The following ARNT2 variants were observed in gnomAD, a reference collection of about 807,000 sequenced individuals.
ARNT2 encodes aryl hydrocarbon receptor nuclear translocator 2, also known as ARNT protein 2.
In ARNT2, 36 loss-of-function variants were observed where a neutral mutation model predicts 91.7. That is an observed-to-expected ratio of 0.39 (90% CI 0.30 to 0.52). ARNT2 has a LOEUF of 0.52. ARNT2 is among the 20% of genes least tolerant of loss of function. The probability of loss-of-function intolerance (pLI) is 0.72; values close to 1 mark genes in which losing one functional copy is unlikely to be tolerated. For missense variants in ARNT2, 775 were observed against 939.3 expected (o/e 0.83, Z 2.29); for synonymous variants, 365 against 347.1 (o/e 1.05, Z -0.57).
At chr15:80,443,051 A>C in intron 1 of ARNT2, 14 of 980,630 alleles carry the variant, frequency 1.4e-5, no homozygotes, top group Non-Finnish European at 1.7e-5. Context: ...ATCACCAGGG[A>C]CCAGACCTGG....
chr15:80,482,548 A>G (rs1217006951), intron 5 of ARNT2, among the ~76,000 whole-genome samples: 1 of 152,210 alleles, frequency 6.6e-6, no homozygotes, highest in Non-Finnish European at 1.5e-5. Flanking sequence ...GTCAATGCCA[A>G]AGAAGCTTAT....
At chr15:80,547,607 G>T (rs1416424517) in intron 8 of ARNT2, among the ~76,000 whole-genome samples, 4 of 152,148 alleles carry the variant, frequency 2.6e-5, no homozygotes, top group African/African-American at 9.7e-5. Flanking sequence ...GTATTTAGCA[G>T]ATATTTTCTC....
chr15:80,588,744 C>T (rs1208550927), intron 17 of ARNT2, among the ~76,000 whole-genome samples: 2 of 152,130 alleles, frequency 1.3e-5, no homozygotes, highest in African/African-American at 4.8e-5. Flanking sequence ...TACTAATTCC[C>T]CTTCTGGTGT....
At chr15:80,540,979 A>G (rs1897896094) in intron 8 of ARNT2, among the ~76,000 whole-genome samples, 2 of 152,102 alleles carry the variant, frequency 1.3e-5, no homozygotes, top group African/African-American at 4.8e-5. Flanking sequence ...TGGTAGAACA[A>G]TTTACATTTT....
At chr15:80,411,578 G>C (rs751188228) in intron 1 of ARNT2, among the ~76,000 whole-genome samples, 1 of 152,192 alleles carries the variant, frequency 6.6e-6, no homozygotes, top group Non-Finnish European at 1.5e-5. Context: ...ATGCAAACTA[G>C]TTCCTCTAGA....
chr15:80,562,820 G>T (rs1898391073), intron 11 of ARNT2: 3 of 486,604 alleles, frequency 6.2e-6, no homozygotes, highest in Non-Finnish European at 1.1e-5. Context: ...TAAATTAAAA[G>T]TTCTGCTATA....
At chr15:80,479,634 T>C (rs1896856548) in intron 5 of ARNT2, among the ~76,000 whole-genome samples, 1 of 152,148 alleles carries the variant, frequency 6.6e-6, no homozygotes, top group Non-Finnish European at 1.5e-5. Flanking sequence ...ACTCTTTTGT[T>C]CAAGGCCTCA....
At chr15:80,501,317 C>T (rs550574123) in intron 5 of ARNT2, among the ~76,000 whole-genome samples, 5 of 152,136 alleles carry the variant, frequency 3.3e-5, no homozygotes, top group African/African-American at 1.2e-4. Context: ...TGAGTTTATG[C>T]TAAGTGACAT....
chr15:80,464,324 G>C (rs1000710703), intron 3 of ARNT2, among the ~76,000 whole-genome samples: 4 of 150,840 alleles, frequency 2.7e-5, no homozygotes, highest in South Asian at 2.1e-4. Flanking sequence ...GGGGCTGGGG[G>C]TGGGGGGTTG....
At chr15:80,425,453 A>G (rs1268407078) in intron 1 of ARNT2, among the ~76,000 whole-genome samples, 1 of 152,212 alleles carries the variant, frequency 6.6e-6, no homozygotes, top group African/African-American at 2.4e-5. Context: ...ATAAACCTAA[A>G]TCAATAAAAA....
At chr15:80,502,708 G>T (rs1897218009) in intron 5 of ARNT2, among the ~76,000 whole-genome samples, 1 of 152,156 alleles carries the variant, frequency 6.6e-6, no homozygotes. Context: ...GCAGGGAGTT[G>T]AGTTGAGTTC....
intron 12 of ARNT2, among the ~76,000 whole-genome samples, chr15:80,566,799 C>CT (rs992117581): frequency 6.6e-6 from 1 of 152,192 alleles, no homozygotes; most frequent in Non-Finnish European, 1.5e-5. Flanking sequence ...TATTCTGATT[C>CT]TTTTTTTACC....
chr15:80,582,024 G>A (rs190226115), intron 17 of ARNT2, among the ~76,000 whole-genome samples: 32 of 152,296 alleles, frequency 2.1e-4, no homozygotes, highest in African/African-American at 7.5e-4. Flanking sequence ...AGTCCAAGCT[G>A]GTGCCTGCTT....
At chr15:80,509,261 G>A (rs1449964359) in intron 6 of ARNT2, among the ~76,000 whole-genome samples, 2 of 152,010 alleles carry the variant, frequency 1.3e-5, no homozygotes, top group Admixed American at 1.3e-4. Context: ...GGCCAAAATG[G>A]TGAAACCCTG....
chr15:80,586,303 G>A (rs1219178745), intron 17 of ARNT2, among the ~76,000 whole-genome samples: 1 of 152,118 alleles, frequency 6.6e-6, no homozygotes, highest in Non-Finnish European at 1.5e-5. Flanking sequence ...GTCTTGGCAA[G>A]CAACAGCATG....
At chr15:80,414,829 C>T (rs1454061119) in intron 1 of ARNT2, among the ~76,000 whole-genome samples, 2 of 151,798 alleles carry the variant, frequency 1.3e-5, no homozygotes, top group East Asian at 3.9e-4. Flanking sequence ...AGCCAGCCTC[C>T]CTGAACACTT....
At chr15:80,462,562 A>G (rs1896576344) in intron 3 of ARNT2, among the ~76,000 whole-genome samples, 1 of 152,148 alleles carries the variant, frequency 6.6e-6, no homozygotes, top group African/African-American at 2.4e-5. Context: ...CCCTTTCTCA[A>G]AAGACCCTAA....
Position 80,591,539 on chromosome 15 carries a change from G to A in ARNT2, c.1919-29G>A, listed in dbSNP as rs1893279854. 2 of 1,612,602 alleles carry A rather than the reference G, an allele frequency of 1.2e-6. No individual in the cohort carries two copies. The highest frequency in any genetic ancestry group is 1.7e-6 in the Non-Finnish European group (2 of 1,178,880). On this transcript the variant is annotated intron_variant, in intron 17 of 18. Coordinates refer to ENST00000303329, the MANE Select transcript of ARNT2 (RefSeq NM_014862.4). This position sits in a 1 kb window ranked among gnomAD's most constrained non-coding sequence, Gnocchi z 5.1. The stretch of plus-strand genomic sequence containing the variant: ...ACAGAACCACGGGATGGCTTTTAAA[G>A]GAAGTGTCCTGTGTGTCGAATCTTT...
chr15:80,423,017 A>T (rs1895881659), intron 1 of ARNT2, among the ~76,000 whole-genome samples: 1 of 152,216 alleles, frequency 6.6e-6, no homozygotes, highest in Non-Finnish European at 1.5e-5. Context: ...TTATGTAGTT[A>T]AAAACATTTG....
Sources: gnomAD v4.1 joint callset for allele counts (sites outside exome capture counted in the v4.1 genomes callset) on GRCh38, gnomAD v4.1.1 for gene constraint, Gnocchi (gnomAD v3.1) non-coding constraint, MANE v1.5 for transcripts, NCBI Gene and HGNC (gene_info 2026-07-23, HGNC 2026-07-21) for gene names.